The following ZBTB20 variants were observed in gnomAD, a reference collection of about 807,000 sequenced individuals.
The protein encoded by ZBTB20 is zinc finger and BTB domain containing 20.
ZBTB20 carries 9 observed loss-of-function variants against 56.9 expected under a neutral mutation model. That is an observed-to-expected ratio of 0.16 (90% CI 0.10 to 0.28). The LOEUF is 0.28. Among genes scored for constraint, ZBTB20 ranks in the 10% least tolerant of loss-of-function variants. ZBTB20 has a pLI of 1.00. For missense variants in ZBTB20, 655 were observed against 1,003.0 expected (o/e 0.65, Z 4.69); for synonymous variants, 417 against 420.7 (o/e 0.99, Z 0.11).
intron 11 of ZBTB20, among the ~76,000 whole-genome samples, chr3:114,346,418 A>G (rs1384977194): frequency 6.6e-6 from 1 of 151,844 alleles, no homozygotes; most frequent in African/African-American, 2.4e-5. Flanking sequence ...AAAAGGCAGA[A>G]AAAATCATTT....
intron 1 of ZBTB20, among the ~76,000 whole-genome samples, chr3:115,089,303 C>T (rs1218936895): frequency 6.6e-6 from 1 of 151,758 alleles, no homozygotes; most frequent in African/African-American, 2.4e-5. Context: ...TTTCTTTCCT[C>T]ATCTTTAAAT....
intron 4 of ZBTB20, among the ~76,000 whole-genome samples, chr3:114,821,491 T>C (rs2073242020): frequency 6.6e-6 from 1 of 152,114 alleles, no homozygotes; most frequent in Non-Finnish European, 1.5e-5. Context: ...TCACCTTCTA[T>C]TAAGATGATA....
chr3:114,653,685 T>G (rs2060245954), intron 6 of ZBTB20, among the ~76,000 whole-genome samples: 1 of 151,930 alleles, frequency 6.6e-6, no homozygotes, highest in Admixed American at 6.5e-5. Flanking sequence ...AAAGAGTCCG[T>G]GTAGGATTAA....
chr3:114,834,693 G>A (rs1282417984), intron 4 of ZBTB20, among the ~76,000 whole-genome samples: 1 of 151,852 alleles, frequency 6.6e-6, no homozygotes, highest in Non-Finnish European at 1.5e-5. Context: ...CAGGGAAGAG[G>A]GCTGCAAACT....
rs375710570 is a variant in ZBTB20 at position 114,999,951 on chromosome 3, C to G, written c.-506-25535G>C. ...TCAGCATCAACTTTGAATTCATTGG[C>G]CTTTGTCAATTTATGTTGCAATGTT... On this transcript the variant is annotated intron_variant, in intron 2 of 11. Transcript: ENST00000675478. Among the ~76,000 whole-genome samples, 4 of 151,532 alleles carry G rather than the reference C, an allele frequency of 2.6e-5. No homozygotes were observed. The East Asian group carries it at 7.8e-4, about 30-fold the overall frequency.
intron 2 of ZBTB20, among the ~76,000 whole-genome samples, chr3:115,020,841 C>T (rs1206387557): frequency 1.3e-5 from 2 of 151,038 alleles, no homozygotes; most frequent in Admixed American, 6.6e-5. Context: ...ATTGACTCTA[C>T]ATTGAATAGC....
chr3:115,014,325 G>C (rs1651590815), intron 2 of ZBTB20, among the ~76,000 whole-genome samples: 1 of 151,504 alleles, frequency 6.6e-6, no homozygotes, highest in South Asian at 2.1e-4. Context: ...TAGTTAGAAA[G>C]ATTAAATAAT....
At chr3:114,687,753 T>A (rs1384554950) in intron 6 of ZBTB20, 7 of 152,022 alleles carry the variant, frequency 4.6e-5, no homozygotes, top group Admixed American at 4.6e-4. Context: ...ACCCCTTGGG[T>A]TTTATTTGAT....
chr3:114,577,570 C>T (rs768203080), intron 6 of ZBTB20, among the ~76,000 whole-genome samples: 5 of 152,116 alleles, frequency 3.3e-5, no homozygotes, highest in Non-Finnish European at 7.4e-5. Context: ...AAGCCATAGG[C>T]CTGCTGAAAT....
chr3:114,695,607 G>A (rs1180974699), intron 5 of ZBTB20, among the ~76,000 whole-genome samples: 2 of 151,498 alleles, frequency 1.3e-5, no homozygotes, highest in African/African-American at 4.8e-5. Context: ...CCTCACTTTT[G>A]TGTTCTAAGT....
intron 5 of ZBTB20, chr3:114,713,864 T>C (rs2064267122): frequency 1.3e-5 from 2 of 152,564 alleles, no homozygotes; most frequent in African/African-American, 2.4e-5. Flanking sequence ...TTTTTTAAGC[T>C]CCCATGACTA....
rs185541125 is a variant in ZBTB20 at position 114,702,855 on chromosome 3, G to T, written c.-342-9280C>A. ...CAGGTAAATAACAGAATTTAAAAAAGAATCTGTAGTCTGAAACACTGTAGA... is the reference window on the plus strand; with the variant it reads ...CAGGTAAATAACAGAATTTAAAAAATAATCTGTAGTCTGAAACACTGTAGA... On this transcript the variant is annotated intron_variant, in intron 5 of 11. Transcript: ENST00000675478. 1.9e-4 allele frequency among the ~76,000 whole-genome samples: 29 copies of T among 152,208 alleles called. No individual in the cohort carries two copies. The East Asian group carries it at 4.6e-3, about 24-fold the overall frequency.
intron 5 of ZBTB20, among the ~76,000 whole-genome samples, chr3:114,725,287 T>G (rs1365709805): frequency 6.6e-6 from 1 of 152,202 alleles, no homozygotes; most frequent in Non-Finnish European, 1.5e-5. Context: ...TCTCAACAAT[T>G]ATCATTTAGC....
intron 4 of ZBTB20, among the ~76,000 whole-genome samples, chr3:114,856,800 G>C (rs1326728214): frequency 1.3e-5 from 2 of 152,006 alleles, no homozygotes; most frequent in Non-Finnish European, 2.9e-5. Context: ...ATCTTGTCAG[G>C]GGAGAAGGTT....
At chr3:114,692,215 T>C (rs1231937418) in intron 6 of ZBTB20, among the ~76,000 whole-genome samples, 1 of 152,100 alleles carries the variant, frequency 6.6e-6, no homozygotes, top group Non-Finnish European at 1.5e-5. Context: ...AAATAAGCCT[T>C]TCCCTTGAGC....
intron 7 of ZBTB20, among the ~76,000 whole-genome samples, chr3:114,496,859 G>A (rs2043334646): frequency 6.6e-6 from 1 of 152,158 alleles, no homozygotes; most frequent in Admixed American, 6.5e-5. Context: ...TCATTTTCAG[G>A]TGAAAGAAGA....
chr3:114,376,145 G>C (rs1159036377), intron 10 of ZBTB20, among the ~76,000 whole-genome samples: 1 of 152,204 alleles, frequency 6.6e-6, no homozygotes, highest in Non-Finnish European at 1.5e-5. Flanking sequence ...AGCTATAATA[G>C]TCTTCCGTTC....
At chr3:114,526,846 G>A (rs144156554) in intron 6 of ZBTB20, among the ~76,000 whole-genome samples, 311 of 152,234 alleles carry the variant, frequency 2.0e-3, no homozygotes, top group South Asian at 0.011. Context: ...TACTCTGTTG[G>A]GTGCACAGTT....
chr3:114,807,871 C>G (rs1221459716), intron 4 of ZBTB20, among the ~76,000 whole-genome samples: 2 of 152,052 alleles, frequency 1.3e-5, no homozygotes, highest in Non-Finnish European at 2.9e-5. Flanking sequence ...TAATGCTTTT[C>G]TACTTTGCCA....
Sources: gnomAD v4.1 joint callset for allele counts (sites outside exome capture counted in the v4.1 genomes callset) on GRCh38, gnomAD v4.1.1 for gene constraint, MANE v1.5 for transcripts, NCBI Gene and HGNC (gene_info 2026-07-23, HGNC 2026-07-21) for gene names.